THSD7B: variants seen among roughly 807,000 people sequenced by gnomAD.
THSD7B encodes thrombospondin type 1 domain containing 7B.
THSD7B carries 138 observed loss-of-function variants against 213.6 expected under a neutral mutation model. The observed-to-expected ratio is 0.65, with a 90% confidence interval of 0.56 to 0.74. The LOEUF (loss-of-function observed/expected upper bound fraction) is 0.74, where lower values mean the gene tolerates loss of function less well. Among genes scored for constraint, THSD7B ranks in the 30% least tolerant of loss-of-function variants. The pLI, the probability that THSD7B is intolerant of heterozygous loss-of-function variation, is 0.00. For missense variants in THSD7B, 1,931 were observed against 1,991.5 expected (o/e 0.97, Z 0.58); for synonymous variants, 742 against 687.0 (o/e 1.08, Z -1.25).
chr2:137,162,628 C>T (rs563494137), intron 6 of THSD7B, among the ~76,000 whole-genome samples: 3 of 152,296 alleles, frequency 2.0e-5, no homozygotes, highest in Middle Eastern at 3.4e-3. Context: ...CCCCTTCGTT[C>T]TGGGCCATGG....
At chr2:137,446,173 G>T (rs944746117) in intron 14 of THSD7B, among the ~76,000 whole-genome samples, 1 of 151,880 alleles carries the variant, frequency 6.6e-6, no homozygotes. Context: ...ATTTTCTCAG[G>T]ATTAATATAA....
chr2:137,538,415 C>G (rs1573693231), intron 15 of THSD7B: 1 of 481,072 alleles, frequency 2.1e-6, no homozygotes, highest in Non-Finnish European at 4.0e-6. Flanking sequence ...ATTATAATAG[C>G]AGTTCCACTA....
At chr2:137,448,401 G>A (rs941921256) in intron 14 of THSD7B, among the ~76,000 whole-genome samples, 2 of 152,214 alleles carry the variant, frequency 1.3e-5, no homozygotes, top group Non-Finnish European at 1.5e-5. Context: ...GCAAAGGCTC[G>A]TGGAGAAGAT....
At chr2:136,793,313 T>G (rs1488422516) in intron 1 of THSD7B, among the ~76,000 whole-genome samples, 1 of 152,028 alleles carries the variant, frequency 6.6e-6, no homozygotes, top group Non-Finnish European at 1.5e-5. Flanking sequence ...GGTTTTAATT[T>G]GCATTGCCTA....
chr2:137,051,081 C>G (rs927997333), intron 2 of THSD7B, among the ~76,000 whole-genome samples: 2 of 152,260 alleles, frequency 1.3e-5, no homozygotes, highest in Non-Finnish European at 2.9e-5. Flanking sequence ...AGGGCTGACT[C>G]TCAACTTCTG....
intron 5 of THSD7B, among the ~76,000 whole-genome samples, chr2:137,133,887 G>C (rs1048511052): frequency 4.6e-5 from 7 of 152,056 alleles, no homozygotes; most frequent in African/African-American, 1.7e-4. Flanking sequence ...ATCTCATATT[G>C]GATCAGCCAC....
At chr2:137,275,820 G>C in intron 11 of THSD7B, 103 bp from the exon 12 acceptor site, 1 of 821,720 alleles carries the variant, frequency 1.2e-6, no homozygotes, top group East Asian at 2.8e-5. Context: ...CATTTTTATT[G>C]AATTACTGTC....
At chr2:137,412,818 G>GA (rs148459836) in intron 14 of THSD7B, among the ~76,000 whole-genome samples, 12,735 of 151,032 alleles carry the variant, frequency 0.084, 1,150 homozygotes, top group African/African-American at 0.22. Context: ...CAGCTGGGGT[G>GA]AAAATTGGTG....
At chr2:137,265,140 C>G (rs1034088584) in intron 10 of THSD7B, among the ~76,000 whole-genome samples, 9 of 152,110 alleles carry the variant, frequency 5.9e-5, no homozygotes, top group African/African-American at 2.2e-4. Context: ...ATCCATGTCC[C>G]TACAAAGGAC....
At chr2:137,266,777 A>G (rs916938159) in intron 10 of THSD7B, among the ~76,000 whole-genome samples, 1 of 152,136 alleles carries the variant, frequency 6.6e-6, no homozygotes, top group African/African-American at 2.4e-5. Flanking sequence ...CCACACGTTC[A>G]TCTCCAACCC....
At chr2:137,290,988 C>A (rs1310758877) in intron 12 of THSD7B, among the ~76,000 whole-genome samples, 2 of 152,146 alleles carry the variant, frequency 1.3e-5, no homozygotes, top group Admixed American at 6.5e-5. Context: ...GAGTCACTCA[C>A]CTGATTATCT....
chr2:136,892,969 T>C (rs1282431141), intron 2 of THSD7B, among the ~76,000 whole-genome samples: 1 of 152,164 alleles, frequency 6.6e-6, no homozygotes, highest in African/African-American at 2.4e-5. Context: ...TCGACCTTTC[T>C]CTCTTTTTGA....
At chr2:137,588,709 T>C (rs1392241613) in intron 17 of THSD7B, among the ~76,000 whole-genome samples, 1 of 152,010 alleles carries the variant, frequency 6.6e-6, no homozygotes, top group Admixed American at 6.6e-5. Flanking sequence ...TGTATGTGTA[T>C]CTCTGGCATT....
intron 7 of THSD7B, among the ~76,000 whole-genome samples, chr2:137,221,794 T>C (rs1681376916): frequency 6.6e-6 from 1 of 152,210 alleles, no homozygotes; most frequent in South Asian, 2.1e-4. Flanking sequence ...GATTATTCTT[T>C]AGTGATGTGT....
At chr2:136,879,424 G>A (rs890619623) in intron 1 of THSD7B, among the ~76,000 whole-genome samples, 4 of 152,084 alleles carry the variant, frequency 2.6e-5, no homozygotes, top group Admixed American at 6.6e-5. Flanking sequence ...CCACATGAAC[G>A]TTAAAGTAGT....
At chr2:137,077,095 A>C (rs71419515) in intron 3 of THSD7B, among the ~76,000 whole-genome samples, 14,930 of 150,020 alleles carry the variant, frequency 0.1, 1,024 homozygotes, top group African/African-American at 0.2. Context: ...TTTGTCCTTG[A>C]GATAGTTTGC....
intron 10 of THSD7B, among the ~76,000 whole-genome samples, chr2:137,258,370 G>A (rs1682357397): frequency 6.6e-6 from 1 of 151,918 alleles, no homozygotes; most frequent in African/African-American, 2.4e-5. Flanking sequence ...TGGGGAAGTG[G>A]TCCTCTTTTG....
chr2:137,230,237 A>C (rs1288530468), intron 7 of THSD7B, among the ~76,000 whole-genome samples: 1 of 152,194 alleles, frequency 6.6e-6, no homozygotes, highest in African/African-American at 2.4e-5. Flanking sequence ...TAGTCCTAAC[A>C]TCTGTTAATT....
chr2:137,210,445 C>A (rs1241974509), intron 7 of THSD7B, among the ~76,000 whole-genome samples: 1 of 152,038 alleles, frequency 6.6e-6, no homozygotes, highest in Non-Finnish European at 1.5e-5. Flanking sequence ...TATATACATT[C>A]ATTTAAAATT....
Sources: allele counts gnomAD v4.1 joint callset (sites outside exome capture counted in the v4.1 genomes callset), GRCh38; gene constraint gnomAD v4.1.1; transcripts MANE v1.5; gene names NCBI Gene and HGNC (gene_info 2026-07-23, HGNC 2026-07-21).